The following DUSP13B variants were observed in gnomAD, a reference collection of about 807,000 sequenced individuals.
The protein encoded by DUSP13B is dual specificity phosphatase 13B, also known as dual specificity protein phosphatase 13B.
chr10:75,108,941 T>C, the DUSP13B span: 1 of 1,533,350 alleles, frequency 6.5e-7, no homozygotes, highest in Non-Finnish European at 8.8e-7. Context: ...CTCCTGTGTC[T>C]GGTAAAGCGA....
the DUSP13B span, among the ~76,000 whole-genome samples, chr10:75,103,403 T>G: frequency 6.6e-6 from 1 of 152,178 alleles, no homozygotes; most frequent in Admixed American, 6.5e-5. Context: ...GCAGAAGCAG[T>G]GTGTCCAGGG....
the DUSP13B span, among the ~76,000 whole-genome samples, chr10:75,097,368 C>T: frequency 6.6e-6 from 1 of 152,170 alleles, no homozygotes; most frequent in Non-Finnish European, 1.5e-5. Context: ...ACCACCACAC[C>T]TGGCTAATTT....
the DUSP13B span, chr10:75,105,733 T>A: frequency 1.3e-6 from 2 of 1,554,500 alleles, no homozygotes; most frequent in Non-Finnish European, 1.7e-6. Context: ...GAAGCCTCGG[T>A]TGGGGAAGAC....
At chr10:75,108,231 C>T in the DUSP13B span, 6 of 1,575,022 alleles carry the variant, frequency 3.8e-6, no homozygotes, top group South Asian at 4.7e-5. Context: ...AGGAAGGGCA[C>T]TTGATGCCGG....
At chr10:75,094,618 C>T in the DUSP13B span, 1 of 1,580,002 alleles carries the variant, frequency 6.3e-7, no homozygotes. Flanking sequence ...GCCTGCTGTT[C>T]CCAGGGCCAG....
the DUSP13B span, among the ~76,000 whole-genome samples, chr10:75,107,549 G>A: frequency 6.6e-6 from 1 of 152,060 alleles, no homozygotes; most frequent in African/African-American, 2.4e-5. Context: ...AATCGGGTTC[G>A]ACAAAATGCT....
the DUSP13B span, chr10:75,101,766 A>AC: frequency 5.3e-6 from 4 of 748,170 alleles, no homozygotes; most frequent in South Asian, 2.8e-5. Context: ...CCCAACCCAA[A>AC]CCCCACCCCT....
chr10:75,107,212 GT>G, the DUSP13B span, among the ~76,000 whole-genome samples: 3 of 152,086 alleles, frequency 2.0e-5, no homozygotes, highest in Non-Finnish European at 4.4e-5. Flanking sequence ...GCGGATGCCT[GT>G]AGTCCCAGCT....
At chr10:75,099,075 C>A in the DUSP13B span, 1 of 1,232,438 alleles carries the variant, frequency 8.1e-7, no homozygotes, top group Non-Finnish European at 1.0e-6. Context: ...CCACCCGGGT[C>A]AGGTAGCTTG....
chr10:75,099,010 GC>G, the DUSP13B span: 1 of 1,232,276 alleles, frequency 8.1e-7, no homozygotes, highest in Non-Finnish European at 1.0e-6. Flanking sequence ...CTGCCTACAG[GC>G]CCTGGGTTTT....
chr10:75,108,926 C>T, the DUSP13B span: 1 of 1,502,402 alleles, frequency 6.7e-7, no homozygotes, highest in Non-Finnish European at 8.9e-7. Flanking sequence ...CTCCTTGTTT[C>T]CACCCTCCTG....
chr10:75,102,416 C>A, the DUSP13B span, among the ~76,000 whole-genome samples: 1 of 151,864 alleles, frequency 6.6e-6, no homozygotes, highest in Non-Finnish European at 1.5e-5. Context: ...GCACTCCAGC[C>A]TGGGCGACAG....
At chr10:75,095,119 C>A in the DUSP13B span, among the ~76,000 whole-genome samples, 1 of 152,192 alleles carries the variant, frequency 6.6e-6, no homozygotes, top group South Asian at 2.1e-4. Flanking sequence ...CTTCCTCAGG[C>A]ATCCTTTGCA....
the DUSP13B span, among the ~76,000 whole-genome samples, chr10:75,100,419 A>AC: frequency 6.6e-5 from 10 of 151,222 alleles, no homozygotes; most frequent in Non-Finnish European, 1.2e-4. Flanking sequence ...AGGCCCGGCC[A>AC]CCCCCCCAGG....
the DUSP13B span, chr10:75,097,709 C>T: frequency 2.6e-6 from 4 of 1,566,378 alleles, no homozygotes; most frequent in African/African-American, 5.4e-5. Flanking sequence ...GGGTCTTACT[C>T]ACGCATCTCC....
At chr10:75,095,282 C>T in the DUSP13B span, among the ~76,000 whole-genome samples, 2 of 152,202 alleles carry the variant, frequency 1.3e-5, no homozygotes, top group Admixed American at 1.3e-4. Flanking sequence ...TTAGAGGAAC[C>T]CGCTCAAGAG....
chr10:75,103,821 C>A, the DUSP13B span: 3 of 1,178,782 alleles, frequency 2.5e-6, no homozygotes, highest in South Asian at 1.4e-5. Context: ...CTCCCCTCCC[C>A]ACTTTCCCAG....
the DUSP13B span, chr10:75,097,917 G>A: frequency 6.5e-7 from 1 of 1,532,716 alleles, no homozygotes; most frequent in Non-Finnish European, 8.8e-7. Context: ...AGTGGCTGGA[G>A]GCAGGCTCCC....
At chr10:75,096,375 G>A in the DUSP13B span, among the ~76,000 whole-genome samples, 8 of 152,064 alleles carry the variant, frequency 5.3e-5, no homozygotes, top group Non-Finnish European at 8.8e-5. Context: ...TCAGGAGTTC[G>A]AGACCAGCCT....
Sources: allele counts gnomAD v4.1 joint callset (sites outside exome capture counted in the v4.1 genomes callset), GRCh38; gene constraint gnomAD v4.1.1; transcripts MANE v1.5; gene names NCBI Gene and HGNC (gene_info 2026-07-23, HGNC 2026-07-21).